The following MAML3 variants were observed in gnomAD, a reference collection of about 807,000 sequenced individuals.
The protein encoded by MAML3 is mastermind-like protein 3.
MAML3 carries 27 observed loss-of-function variants against 101.9 expected under a neutral mutation model. The ratio of observed to expected loss-of-function variants is 0.27; its 90% CI spans 0.20 to 0.37. MAML3 has a LOEUF of 0.37. Among genes scored for constraint, MAML3 ranks in the 10% least tolerant of loss-of-function variants. The probability of loss-of-function intolerance (pLI) is 1.00; values close to 1 mark genes in which losing one functional copy is unlikely to be tolerated. For missense variants in MAML3, 1,316 were observed against 1,444.9 expected (o/e 0.91, Z 1.45); for synonymous variants, 501 against 555.9 (o/e 0.90, Z 1.39).
Position 140,153,297 on chromosome 4 carries a change from C to T in MAML3, c.31G>A (p.Ala11Thr). MGDFAAPAAA[A>T]NGSSICINSS... ...TTGATGCAAATACTACTGCCATTCG[C>T]GGCAGCAGCGGGGGCTGCGAAATCC... Residue 11 changes from alanine to threonine, a missense_variant, in exon 1 of 5, where the codon GCG becomes ACG. By Grantham distance (58) the Ala-to-Thr change is moderately conservative. Coordinates refer to ENST00000509479, the MANE Select transcript of MAML3 (RefSeq NM_018717.5). 1 of 1,598,488 alleles carries T rather than the reference C, an allele frequency of 6.3e-7. No homozygotes were observed. The highest frequency in any genetic ancestry group is 8.5e-7 in the Non-Finnish European group (1 of 1,171,288).
At chr4:139,834,724 T>G (rs1171595236) in intron 2 of MAML3, among the ~76,000 whole-genome samples, 1 of 152,214 alleles carries the variant, frequency 6.6e-6, no homozygotes, top group African/African-American at 2.4e-5. Flanking sequence ...CATGAAGCAG[T>G]GCATTTAATT....
At chr4:140,042,019 T>C (rs191399764) in intron 1 of MAML3, among the ~76,000 whole-genome samples, 4 of 152,240 alleles carry the variant, frequency 2.6e-5, no homozygotes, top group Non-Finnish European at 4.4e-5. Context: ...TTAACTCATT[T>C]AACCTTCACA....
chr4:140,112,581 G>A (rs540696990), intron 1 of MAML3, among the ~76,000 whole-genome samples: 2 of 152,332 alleles, frequency 1.3e-5, no homozygotes, highest in African/African-American at 4.8e-5. Flanking sequence ...GGCAGCTGAA[G>A]GTCAGGGAGG....
intron 2 of MAML3, among the ~76,000 whole-genome samples, chr4:139,827,855 T>C (rs1261854031): frequency 6.6e-6 from 1 of 152,252 alleles, no homozygotes; most frequent in Non-Finnish European, 1.5e-5. Flanking sequence ...TGGTTTGCTA[T>C]GGCAATTTGA....
chr4:140,029,415 G>A (rs1245228976), intron 1 of MAML3, among the ~76,000 whole-genome samples: 1 of 152,088 alleles, frequency 6.6e-6, no homozygotes, highest in Non-Finnish European at 1.5e-5. Flanking sequence ...CTCACATTTG[G>A]ATTTAAGTAC....
At chr4:139,980,700 G>T (rs187441695) in intron 1 of MAML3, among the ~76,000 whole-genome samples, 1 of 152,268 alleles carries the variant, frequency 6.6e-6, no homozygotes, top group East Asian at 1.9e-4. Flanking sequence ...CAGCACTGAT[G>T]GTGGCATTTG....
intron 1 of MAML3, among the ~76,000 whole-genome samples, chr4:140,077,601 C>T (rs1302886037): frequency 6.6e-6 from 1 of 152,220 alleles, no homozygotes; most frequent in Non-Finnish European, 1.5e-5. Context: ...TAGTAACTAT[C>T]TTACAGTTGC....
At chr4:140,052,683 C>T (rs758874657) in intron 1 of MAML3, among the ~76,000 whole-genome samples, 1 of 151,910 alleles carries the variant, frequency 6.6e-6, no homozygotes, top group South Asian at 2.1e-4. Flanking sequence ...TACAGGCATA[C>T]ACCACCATAC....
At chr4:140,091,130 A>G (rs986260434) in intron 1 of MAML3, among the ~76,000 whole-genome samples, 2 of 152,172 alleles carry the variant, frequency 1.3e-5, no homozygotes, top group South Asian at 2.1e-4. Context: ...CTAATTAGGA[A>G]AAGCCAGCAT....
chr4:139,845,006 G>C (rs888698769), intron 2 of MAML3, among the ~76,000 whole-genome samples: 5 of 148,420 alleles, frequency 3.4e-5, no homozygotes, highest in Non-Finnish European at 7.4e-5. Context: ...CTCTCTCTCT[G>C]TCTCTCTCTC....
At chr4:140,046,303 T>G (rs1247828282) in intron 1 of MAML3, among the ~76,000 whole-genome samples, 1 of 152,184 alleles carries the variant, frequency 6.6e-6, no homozygotes, top group Non-Finnish European at 1.5e-5. Flanking sequence ...TTTGTGAGAA[T>G]GGGTCCCTGA....
chr4:139,731,380 A>G (rs1391643905), intron 2 of MAML3: 1 of 136,846 alleles, frequency 7.3e-6, no homozygotes, highest in Non-Finnish European at 1.5e-5. Context: ...CTTTGGGTGG[A>G]TCACGAGGTC....
At chr4:139,770,503 T>C (rs961003107) in intron 2 of MAML3, among the ~76,000 whole-genome samples, 3 of 152,166 alleles carry the variant, frequency 2.0e-5, no homozygotes, top group Non-Finnish European at 4.4e-5. Context: ...CCCAGGATCC[T>C]AAGGGAGTTG....
At chr4:140,030,732 C>T (rs1310174977) in intron 1 of MAML3, among the ~76,000 whole-genome samples, 2 of 152,204 alleles carry the variant, frequency 1.3e-5, no homozygotes, top group African/African-American at 2.4e-5. Flanking sequence ...CTTCCAAATG[C>T]TGCCAACTAA....
chr4:139,783,521 A>G (rs1730253559), intron 2 of MAML3, among the ~76,000 whole-genome samples: 1 of 152,188 alleles, frequency 6.6e-6, no homozygotes. Context: ...TTCTGCTTCC[A>G]AGTGTCAAGC....
intron 1 of MAML3, among the ~76,000 whole-genome samples, chr4:139,957,164 G>A (rs991514842): frequency 6.6e-6 from 1 of 152,318 alleles, no homozygotes; most frequent in East Asian, 1.9e-4. Flanking sequence ...AAAACGGAAG[G>A]AAAATGGGAG....
Position 140,153,488 on chromosome 4 carries a change from G to A in MAML3, c.-161C>T. 1.3e-6 allele frequency: 1 copy of A among 750,772 alleles called. No homozygotes were observed. The highest frequency in any genetic ancestry group is 4.1e-4 in the Middle Eastern group (1 of 2,444). 46.5% of individuals were successfully genotyped at this position (750,772 alleles called of 1,614,324 possible). On this transcript the variant is annotated 5_prime_UTR_variant, in exon 1 of 5. Transcript: ENST00000509479. ...CCCGACGGGGCGAAAAAAACGGGGGGGGAGATTTTGGGGTGGTTTTTGTTT... is the reference window on the plus strand; with the variant it reads ...CCCGACGGGGCGAAAAAAACGGGGGAGGAGATTTTGGGGTGGTTTTTGTTT...
intron 1 of MAML3, among the ~76,000 whole-genome samples, chr4:139,989,470 T>C (rs1734617456): frequency 1.3e-5 from 2 of 152,134 alleles, no homozygotes. Flanking sequence ...CATGCAAATC[T>C]GGACAAAGTT....
intron 1 of MAML3, among the ~76,000 whole-genome samples, chr4:139,994,576 C>T (rs1700382179): frequency 1.3e-5 from 2 of 152,144 alleles, no homozygotes; most frequent in African/African-American, 4.8e-5. Flanking sequence ...GGGAGGATCA[C>T]TTGAGCTCAG....
Sources: allele counts gnomAD v4.1 joint callset (sites outside exome capture counted in the v4.1 genomes callset), GRCh38; gene constraint gnomAD v4.1.1; transcripts MANE v1.5; gene names NCBI Gene and HGNC (gene_info 2026-07-23, HGNC 2026-07-21).